The following GAP43 variants were observed in gnomAD, a reference collection of about 807,000 sequenced individuals.
GAP43 encodes the protein neuromodulin.
Under a neutral mutation model 18.6 loss-of-function variants are expected in GAP43, and 6 were observed. The observed-to-expected ratio is 0.32, with a 90% confidence interval of 0.18 to 0.64. The LOEUF is 0.64. GAP43 is among the 30% of genes least tolerant of loss of function. GAP43 has a pLI of 0.78. For missense variants in GAP43, 292 were observed against 295.5 expected (o/e 0.99, Z 0.09); for synonymous variants, 115 against 111.4 (o/e 1.03, Z -0.20).
At chr3:115,681,446 T>C (rs1708957126) in intron 2 of GAP43, among the ~76,000 whole-genome samples, 1 of 152,146 alleles carries the variant, frequency 6.6e-6, no homozygotes, top group Admixed American at 6.5e-5. Flanking sequence ...ATCTGATGCT[T>C]TTGGGAAATA....
intron 2 of GAP43, among the ~76,000 whole-genome samples, chr3:115,716,898 T>C (rs993354836): frequency 6.6e-6 from 1 of 151,542 alleles, no homozygotes; most frequent in African/African-American, 2.4e-5. Context: ...GAGCCAACAA[T>C]TTTTTAATCT....
intron 2 of GAP43, among the ~76,000 whole-genome samples, chr3:115,709,217 C>G (rs1053417250): frequency 1.3e-5 from 2 of 152,188 alleles, no homozygotes; most frequent in African/African-American, 4.8e-5. Context: ...ACATGTCTTA[C>G]TCCAGACGCC....
At chr3:115,711,783 G>C (rs1709442664) in intron 2 of GAP43, among the ~76,000 whole-genome samples, 1 of 133,608 alleles carries the variant, frequency 7.5e-6, no homozygotes, top group Admixed American at 7.8e-5. Flanking sequence ...CTGGGAGCAG[G>C]GATGAGGGAG....
At chr3:115,704,303 A>G (rs926260301) in intron 2 of GAP43, among the ~76,000 whole-genome samples, 3 of 152,044 alleles carry the variant, frequency 2.0e-5, no homozygotes, top group Admixed American at 6.6e-5. Context: ...GATCTCTTAA[A>G]TTCTTAGATA....
At chr3:115,688,097 A>G (rs1030773352) in intron 2 of GAP43, among the ~76,000 whole-genome samples, 26 of 151,894 alleles carry the variant, frequency 1.7e-4, no homozygotes, top group African/African-American at 6.0e-4. Context: ...GCTCACCGCA[A>G]CCTCCGCCTC....
intron 2 of GAP43, among the ~76,000 whole-genome samples, chr3:115,678,802 GC>G (rs1454207604): frequency 1.3e-5 from 2 of 151,624 alleles, no homozygotes; most frequent in African/African-American, 4.9e-5. Flanking sequence ...ATCACAAAGG[GC>G]AATTTACAGT....
intron 2 of GAP43, among the ~76,000 whole-genome samples, chr3:115,687,145 T>G (rs946680395): frequency 4.8e-5 from 7 of 145,628 alleles, no homozygotes; most frequent in African/African-American, 1.8e-4. Flanking sequence ...ATCCCTACCC[T>G]CTAGGTAGAT....
intron 2 of GAP43, among the ~76,000 whole-genome samples, chr3:115,707,510 T>G (rs760834635): frequency 3.3e-5 from 5 of 152,044 alleles, no homozygotes; most frequent in Non-Finnish European, 5.9e-5. Context: ...AGGTTGGTCT[T>G]GAACTCCTGG....
chr3:115,639,597 G>T (rs918939992), intron 1 of GAP43, among the ~76,000 whole-genome samples: 1 of 152,006 alleles, frequency 6.6e-6, no homozygotes, highest in South Asian at 2.1e-4. Context: ...GTACAATAAC[G>T]CTTAGTTGTT....
intron 2 of GAP43, among the ~76,000 whole-genome samples, chr3:115,712,405 G>A (rs1709452806): frequency 6.7e-6 from 1 of 149,172 alleles, no homozygotes; most frequent in South Asian, 2.2e-4. Context: ...GGTGGGTAGT[G>A]GAAGAATTGC....
chr3:115,680,896 CAA>C (rs1055852306), intron 2 of GAP43, among the ~76,000 whole-genome samples: 15 of 152,078 alleles, frequency 9.9e-5, no homozygotes, highest in African/African-American at 3.4e-4. Context: ...TTCAGCTTTC[CAA>C]AAGATAGGTC....
At position 115,695,760 on chromosome 3, in the gene GAP43, C is replaced by T. The variant is rs976959964; in HGVS notation, c.628+19150C>T. Among the ~76,000 whole-genome samples the T allele has an allele frequency of 4.6e-5, 7 of 152,290 alleles. No homozygotes were observed. The East Asian group carries it at 1.2e-3, about 25-fold the overall frequency. ...TCCCCAAACTCCCCATCCAGTGAAA[C>T]AACTTTAGCCAAACTCACAAACGAC... is the stretch of plus-strand genomic sequence containing the variant. On this transcript the variant is annotated intron_variant, in intron 2 of 2. Coordinates refer to ENST00000305124, the MANE Select transcript of GAP43 (RefSeq NM_002045.4).
intron 2 of GAP43, among the ~76,000 whole-genome samples, chr3:115,712,517 T>C (rs566175615): frequency 2.0e-5 from 3 of 152,290 alleles, no homozygotes; most frequent in Admixed American, 6.5e-5. Flanking sequence ...ATTCAGCAAA[T>C]CTCAAACCCC....
At chr3:115,703,883 A>G (rs1401791906) in intron 2 of GAP43, among the ~76,000 whole-genome samples, 1 of 152,150 alleles carries the variant, frequency 6.6e-6, no homozygotes, top group Non-Finnish European at 1.5e-5. Context: ...GCCACTAAAA[A>G]TAAGTAAACA....
Position 115,623,646 on chromosome 3 carries a change from A to G in GAP43, c.-44A>G, listed in dbSNP as rs1393768965. On this transcript the variant is annotated 5_prime_UTR_variant, in exon 1 of 3. Coordinates refer to ENST00000305124, the MANE Select transcript of GAP43 (RefSeq NM_002045.4). ...AGGGGGGGAATAAGAAAGAGAGAGA[A>G]GGAAAGGAGAGAAGGCAGGAAGAAG... 6.2e-7 allele frequency: 1 copy of G among 1,612,078 alleles called. No individual in the cohort carries two copies. Among genetic ancestry groups the G allele is most frequent in the Admixed American group, 1.7e-5 (1 of 59,986 alleles).
chr3:115,683,145 GCGCACACACACACA>G (rs1708982873), intron 2 of GAP43, among the ~76,000 whole-genome samples: 9 of 105,540 alleles, frequency 8.5e-5, no homozygotes, highest in African/African-American at 2.0e-4. Flanking sequence ...GCGCGCGCGC[GCGCACACACACACA>G]CACACACACA....
intron 1 of GAP43, among the ~76,000 whole-genome samples, chr3:115,653,915 A>T (rs966673396): frequency 1.3e-5 from 2 of 152,214 alleles, no homozygotes; most frequent in Non-Finnish European, 2.9e-5. Context: ...AAATTAAAAA[A>T]AAAATTAGCC....
At chr3:115,717,495 G>A (rs1218407051) in intron 2 of GAP43, among the ~76,000 whole-genome samples, 1 of 151,780 alleles carries the variant, frequency 6.6e-6, no homozygotes, top group Non-Finnish European at 1.5e-5. Flanking sequence ...TTTTAGTAGC[G>A]ACGGGGTTTC....
At chr3:115,626,745 A>T (rs149716755) in intron 1 of GAP43, among the ~76,000 whole-genome samples, 5 of 152,310 alleles carry the variant, frequency 3.3e-5, no homozygotes, top group Non-Finnish European at 5.9e-5. Flanking sequence ...GCAAGCAAGT[A>T]GTCCCTCTAC....
Sources: allele counts gnomAD v4.1 joint callset (sites outside exome capture counted in the v4.1 genomes callset), GRCh38; gene constraint gnomAD v4.1.1; transcripts MANE v1.5; gene names NCBI Gene and HGNC (gene_info 2026-07-23, HGNC 2026-07-21).